Variants in KCNMA1 observed in about 807,000 individuals in gnomAD.
KCNMA1 encodes Calcium-activated potassium channel subunit alpha-1.
In KCNMA1, 29 loss-of-function variants were observed where a neutral mutation model predicts 140.0. That is an observed-to-expected ratio of 0.21 (90% confidence interval 0.15 to 0.28). The LOEUF (loss-of-function observed/expected upper bound fraction) is 0.28, where lower values mean the gene tolerates loss of function less well. KCNMA1 is among the 10% of genes least tolerant of loss of function. The pLI, the probability that KCNMA1 is intolerant of heterozygous loss-of-function variation, is 1.00. For missense variants in KCNMA1, 880 were observed against 1,602.2 expected (o/e 0.55, Z 7.70); for synonymous variants, 612 against 611.9 (o/e 1.00, Z 0.00).
Position 77,055,322 on chromosome 10 carries a change from AC to A in KCNMA1, c.1750-15686del, listed in dbSNP as rs112058419. ...TTCTCTTCTGGTATCCTCTAGCCTG[AC>A]CTCGAGGCAGCCAGAACCTGGAAGG... is the stretch of plus-strand genomic sequence containing the variant. On this transcript the variant is annotated intron_variant, in intron 14 of 27. Transcript: ENST00000286628. 1.2e-3 allele frequency among the ~76,000 whole-genome samples: 190 copies of A among 152,280 alleles called. 1 individual carries two copies. The highest frequency in any genetic ancestry group is 4.3e-3 in the African/African-American group (180 of 41,566).
intron 1 of KCNMA1, among the ~76,000 whole-genome samples, chr10:77,471,658 C>T (rs2098155359): frequency 6.6e-6 from 1 of 151,034 alleles, no homozygotes; most frequent in Non-Finnish European, 1.5e-5. Context: ...AGACACATCA[C>T]ACACTACACA....
At chr10:76,949,438 C>A in intron 21 of KCNMA1, 72 bp from the exon 22 acceptor site, 1 of 1,251,040 alleles carries the variant, frequency 8.0e-7, no homozygotes, top group Non-Finnish European at 1.2e-6. Flanking sequence ...TGAAATAAAT[C>A]ATTTGTGCAA....
intron 1 of KCNMA1, among the ~76,000 whole-genome samples, chr10:77,599,484 G>A (rs1190060547): frequency 6.6e-6 from 1 of 152,112 alleles, no homozygotes; most frequent in Non-Finnish European, 1.5e-5. Context: ...CTCTGACCTA[G>A]GGTGCAAGGT....
chr10:77,308,763 T>C (rs2078488372), intron 2 of KCNMA1, among the ~76,000 whole-genome samples: 2 of 152,218 alleles, frequency 1.3e-5, no homozygotes. Context: ...TACTCTGATG[T>C]CTGAGGCTGG....
chr10:77,279,328 G>A (rs533354992), intron 2 of KCNMA1, among the ~76,000 whole-genome samples: 6 of 152,264 alleles, frequency 3.9e-5, no homozygotes, highest in South Asian at 2.1e-4. Flanking sequence ...CTGAAAACAC[G>A]TAAGCCCATG....
At chr10:77,113,347 C>T (rs1310596754) in intron 6 of KCNMA1, among the ~76,000 whole-genome samples, 2 of 152,230 alleles carry the variant, frequency 1.3e-5, no homozygotes, top group African/African-American at 4.8e-5. Flanking sequence ...GCTTCAGTCC[C>T]TTCTAATGTA....
At chr10:76,955,443 CT>C (rs1449010536) in intron 20 of KCNMA1, among the ~76,000 whole-genome samples, 1 of 152,114 alleles carries the variant, frequency 6.6e-6, no homozygotes, top group African/African-American at 2.4e-5. Context: ...TTATTTATGC[CT>C]GAGAATTTGC....
At chr10:76,994,034 C>G (rs1331443793) in intron 19 of KCNMA1, among the ~76,000 whole-genome samples, 1 of 152,166 alleles carries the variant, frequency 6.6e-6, no homozygotes, top group Non-Finnish European at 1.5e-5. Context: ...AGTAACTGAG[C>G]AACTCAACCG....
At chr10:77,067,936 A>G (rs1180337230) in intron 14 of KCNMA1, among the ~76,000 whole-genome samples, 1 of 152,218 alleles carries the variant, frequency 6.6e-6, no homozygotes, top group Non-Finnish European at 1.5e-5. Flanking sequence ...TATTGCATCA[A>G]TAGTTCACAT....
intron 1 of KCNMA1, among the ~76,000 whole-genome samples, chr10:77,471,290 AAC>A (rs1218504776): frequency 6.6e-6 from 1 of 150,486 alleles, no homozygotes; most frequent in Admixed American, 6.6e-5. Flanking sequence ...CCACACATGT[AAC>A]ACAACACACA....
chr10:77,273,305 A>T (rs1336551516), intron 2 of KCNMA1, among the ~76,000 whole-genome samples: 1 of 152,184 alleles, frequency 6.6e-6, no homozygotes, highest in African/African-American at 2.4e-5. Flanking sequence ...TTCAATTTCT[A>T]CCAGAAAGCT....
At chr10:77,087,421 G>A (rs993786249) in intron 10 of KCNMA1, among the ~76,000 whole-genome samples, 32 of 152,082 alleles carry the variant, frequency 2.1e-4, no homozygotes, top group African/African-American at 7.7e-4. Context: ...TGTTTCACTG[G>A]AGAGCCCTGA....
intron 1 of KCNMA1, among the ~76,000 whole-genome samples, chr10:77,575,702 C>T: frequency 6.6e-6 from 1 of 152,246 alleles, no homozygotes; most frequent in East Asian, 1.9e-4. Flanking sequence ...ATCTGAAGTT[C>T]CCAGAGTCCC....
intron 1 of KCNMA1, among the ~76,000 whole-genome samples, chr10:77,622,272 C>G (rs2091590295): frequency 6.6e-6 from 1 of 152,232 alleles, no homozygotes; most frequent in Non-Finnish European, 1.5e-5. Context: ...GACCTCACAT[C>G]TCTCCAGGAA....
intron 1 of KCNMA1, chr10:77,636,268 G>A: frequency 6.9e-7 from 1 of 1,446,978 alleles, no homozygotes; most frequent in Non-Finnish European, 9.1e-7. Flanking sequence ...CCAGCCAGTG[G>A]CTGTGGGGAA....
At position 77,543,687 on chromosome 10, in the gene KCNMA1, T is replaced by A. The variant is rs1485865853; in HGVS notation, c.378+93578A>T. Among the ~76,000 whole-genome samples, 8 of 152,174 alleles carry A rather than the reference T, an allele frequency of 5.3e-5. No homozygotes were observed. In the East Asian group the frequency reaches 1.5e-3, roughly 29 times the overall value. The stretch of plus-strand genomic sequence containing the variant: ...TCCCATTTTAGATTGTCGAGTAAAC[T>A]AGAACAGAAAGAATACAACTGGAAA... On this transcript the variant is annotated intron_variant, in intron 1 of 27. Coordinates refer to ENST00000286628, the MANE Select transcript of KCNMA1 (RefSeq NM_001161352.2).
At chr10:77,157,513 CTTAAA>C (rs1486861597) in intron 5 of KCNMA1, among the ~76,000 whole-genome samples, 1 of 152,074 alleles carries the variant, frequency 6.6e-6, no homozygotes, top group Admixed American at 6.5e-5. Flanking sequence ...TTCCATTTCT[CTTAAA>C]TGAATATGTT....
chr10:77,136,206 C>T (rs140482831), intron 5 of KCNMA1, among the ~76,000 whole-genome samples: 2 of 152,232 alleles, frequency 1.3e-5, no homozygotes, highest in East Asian at 3.9e-4. Context: ...CAAAGATGCT[C>T]ATTGCAAAAT....
intron 1 of KCNMA1, among the ~76,000 whole-genome samples, chr10:77,599,155 C>A (rs1045603786): frequency 1.3e-5 from 2 of 152,214 alleles, no homozygotes; most frequent in African/African-American, 4.8e-5. Context: ...TCATGCTGTA[C>A]AAATATCATT....
Sources: gnomAD v4.1 joint callset for allele counts (sites outside exome capture counted in the v4.1 genomes callset) on GRCh38, gnomAD v4.1.1 for gene constraint, MANE v1.5 for transcripts, NCBI Gene and HGNC (gene_info 2026-07-23, HGNC 2026-07-21) for gene names.